Variants in TRAPPC8 observed in about 807,000 individuals in gnomAD.
TRAPPC8 encodes trafficking protein particle complex subunit 8.
In TRAPPC8, 54 loss-of-function variants were observed where a neutral mutation model predicts 174.3. The ratio of observed to expected loss-of-function variants is 0.31; its 90% CI spans 0.25 to 0.39. The LOEUF is 0.39. Ranked by LOEUF, TRAPPC8 falls within the 10% of genes least tolerant of loss-of-function variation. The probability of loss-of-function intolerance (pLI) is 1.00; values close to 1 mark genes in which losing one functional copy is unlikely to be tolerated. For missense variants in TRAPPC8, 1,531 were observed against 1,699.1 expected (o/e 0.90, Z 1.74); for synonymous variants, 630 against 579.9 (o/e 1.09, Z -1.24).
chr18:31,849,430 T>A, intron 25 of TRAPPC8, 136 bp downstream of exon 25: 1 of 753,934 alleles, frequency 1.3e-6, no homozygotes, highest in Non-Finnish European at 1.9e-6. Context: ...AAAAAAAATA[T>A]GTAACTGTTA....
intron 3 of TRAPPC8, among the ~76,000 whole-genome samples, chr18:31,916,774 C>A (rs1289728742): frequency 1.3e-5 from 2 of 151,496 alleles, no homozygotes; most frequent in African/African-American, 2.4e-5. Context: ...CCTCAGGTAA[C>A]CCGCCCGCCT....
At chr18:31,903,758 G>A (rs1374616825) in intron 9 of TRAPPC8, among the ~76,000 whole-genome samples, 1 of 152,000 alleles carries the variant, frequency 6.6e-6, no homozygotes, top group Non-Finnish European at 1.5e-5. Context: ...GGGCACAGTG[G>A]CTCACACCTG....
At chr18:31,844,347 G>A (rs895372416) in intron 26 of TRAPPC8, 1 of 152,204 alleles carries the variant, frequency 6.6e-6, no homozygotes, top group African/African-American at 2.4e-5. Flanking sequence ...TGGTCTGGAA[G>A]AGAAAGATTT....
chr18:31,878,774 G>A (rs1234047367), intron 12 of TRAPPC8, among the ~76,000 whole-genome samples: 4 of 152,074 alleles, frequency 2.6e-5, no homozygotes, highest in African/African-American at 9.7e-5. Flanking sequence ...GTCAAGGGGT[G>A]GAGAAAGATC....
intron 16 of TRAPPC8, among the ~76,000 whole-genome samples, chr18:31,868,620 T>G (rs886394722): frequency 6.6e-6 from 1 of 152,198 alleles, no homozygotes; most frequent in Admixed American, 6.5e-5. Context: ...TAACAATGAA[T>G]ATAAATAATA....
chr18:31,884,614 T>C lies in TRAPPC8; in HGVS notation c.1728+6121A>G, dbSNP rs553961753. ...GATTTGGTACCAAGAAAAGGCTTTT[T>C]TTTCACTAAACTTTTGTTTCAAAAT... On this transcript the variant is annotated intron_variant, in intron 12 of 28. Coordinates refer to ENST00000283351, the MANE Select transcript of TRAPPC8 (RefSeq NM_014939.5). Among the ~76,000 whole-genome samples, 13 of 152,304 alleles carry C rather than the reference T, an allele frequency of 8.5e-5. No homozygotes were observed. In the South Asian group the frequency reaches 2.7e-3, roughly 32 times the overall value.
At chr18:31,909,059 C>A in intron 6 of TRAPPC8, 49 bp from the exon 7 acceptor site, 1 of 1,525,538 alleles carries the variant, frequency 6.6e-7, no homozygotes, top group Non-Finnish European at 8.8e-7. Context: ...CAACAGAAAA[C>A]AGTGCTAATA....
At chr18:31,847,522 C>G (rs1225966798) in intron 25 of TRAPPC8, among the ~76,000 whole-genome samples, 3 of 152,178 alleles carry the variant, frequency 2.0e-5, no homozygotes, top group Non-Finnish European at 2.9e-5. Context: ...TAAAATTACT[C>G]AGTCAAAATG....
chr18:31,893,023 A>AG (rs2036024184), intron 11 of TRAPPC8, among the ~76,000 whole-genome samples: 1 of 131,694 alleles, frequency 7.6e-6, no homozygotes, highest in Admixed American at 7.3e-5. Flanking sequence ...TCTCAAAAAA[A>AG]GGGAAAAAAA....
At chr18:31,888,553 T>C (rs2035821942) in intron 12 of TRAPPC8, among the ~76,000 whole-genome samples, 1 of 152,038 alleles carries the variant, frequency 6.6e-6, no homozygotes, top group Non-Finnish European at 1.5e-5. Flanking sequence ...GAAAATGTGG[T>C]ACATACATAC....
intron 1 of TRAPPC8, among the ~76,000 whole-genome samples, chr18:31,938,096 A>G (rs980541060): frequency 1.3e-5 from 2 of 152,158 alleles, no homozygotes; most frequent in Admixed American, 6.5e-5. Context: ...TTTTCTTAAA[A>G]CTTACAGAAC....
At chr18:31,849,957 C>T (rs1389982017) in intron 24 of TRAPPC8, among the ~76,000 whole-genome samples, 1 of 145,426 alleles carries the variant, frequency 6.9e-6, no homozygotes, top group East Asian at 2.0e-4. Flanking sequence ...TACCCTAAAT[C>T]TTTTTTTTTT....
At chr18:31,890,334 C>G (rs1325641403) in intron 12 of TRAPPC8, among the ~76,000 whole-genome samples, 1 of 152,134 alleles carries the variant, frequency 6.6e-6, no homozygotes, top group Non-Finnish European at 1.5e-5. Flanking sequence ...CATTATAAAG[C>G]ACTCTGAAAC....
chr18:31,925,140 A>G (rs74890770), intron 2 of TRAPPC8, among the ~76,000 whole-genome samples: 13,392 of 152,176 alleles, frequency 0.088, 837 homozygotes, highest in East Asian at 0.33. Flanking sequence ...CAGGGTTTTA[A>G]TGCCTCAATT....
chr18:31,933,550 T>C lies in TRAPPC8; in HGVS notation c.158-2027A>G, dbSNP rs145408343. ...ACTGAGCACCATGCTCAACAATACA[T>C]AATGAAGGCGGTATAGCAGCAGCAG... On this transcript the variant is annotated intron_variant, in intron 1 of 28. Coordinates refer to ENST00000283351, the MANE Select transcript of TRAPPC8 (RefSeq NM_014939.5). Among the ~76,000 whole-genome samples the C allele has an allele frequency of 7.2e-3, 1,102 of 152,202 alleles. 5 individuals carry two copies. Among genetic ancestry groups the C allele is most frequent in the Non-Finnish European group, 0.011 (737 of 68,016 alleles).
At chr18:31,870,199 TG>T in intron 16 of TRAPPC8, 172 bp downstream of exon 16, 1 of 486,176 alleles carries the variant, frequency 2.1e-6, no homozygotes, top group Non-Finnish European at 3.5e-6. Flanking sequence ...CTATTCCTTA[TG>T]TTTTTATGTA....
At chr18:31,929,705 G>GACTT (rs2037770675) in intron 2 of TRAPPC8, among the ~76,000 whole-genome samples, 1 of 152,074 alleles carries the variant, frequency 6.6e-6, no homozygotes, top group Non-Finnish European at 1.5e-5. Context: ...AACACTAAGT[G>GACTT]ACTTATTCAG....
chr18:31,853,864 G>T lies in TRAPPC8; in HGVS notation c.3418C>A (p.Leu1140Ile). 3.1e-6 allele frequency: 5 copies of T among 1,607,258 alleles called. No homozygotes were observed. The highest frequency in any genetic ancestry group is 4.2e-6 in the Non-Finnish European group (5 of 1,178,380). The part of the protein sequence containing the change: ...KHWKLQKSVN[L>I]SENKDTKLAS... ...ACAAACAAACCTTTGTTTTCAGAAA[G>T]ATTTACAGATTTCTGTAACTTCCAG... The change falls in exon 22 of 29, where the codon CTT becomes ATT. Residue 1140 changes from leucine (L) to isoleucine (I), a missense_variant. By Grantham distance (5) the Leu-to-Ile change is conservative. Coordinates refer to ENST00000283351, the MANE Select transcript of TRAPPC8 (RefSeq NM_014939.5).
In TRAPPC8 at chr18:31,874,711, GAAAAT is replaced by G; in HGVS notation, c.1729-12_1729-8del. 1.2e-6 allele frequency: 2 copies of G among 1,605,944 alleles called. No individual in the cohort carries two copies. The highest frequency in any genetic ancestry group is 1.7e-6 in the Non-Finnish European group (2 of 1,177,462). ...AGCGTAAAGCATGCTTTTTCTGTAA[GAAAAT>G]AAACAAAATAATGTATTATACTCCA... On this transcript the variant is annotated splice_polypyrimidine_tract_variant and splice_region_variant and intron_variant, in intron 12 of 28. Coordinates refer to ENST00000283351, the MANE Select transcript of TRAPPC8 (RefSeq NM_014939.5).
Sources: gnomAD v4.1 joint callset for allele counts (sites outside exome capture counted in the v4.1 genomes callset) on GRCh38, gnomAD v4.1.1 for gene constraint, MANE v1.5 for transcripts, NCBI Gene and HGNC (gene_info 2026-07-23, HGNC 2026-07-21) for gene names.